The following ASAP2 variants were observed in gnomAD, a reference collection of about 807,000 sequenced individuals.
ASAP2 encodes the protein arf-GAP with SH3 domain, ANK repeat and PH domain-containing protein 2.
ASAP2 carries 45 observed loss-of-function variants against 131.4 expected under a neutral mutation model. That is an observed-to-expected ratio of 0.34 (90% CI 0.27 to 0.44). The LOEUF (loss-of-function observed/expected upper bound fraction) is 0.44. Among genes scored for constraint, ASAP2 ranks in the 20% least tolerant of loss-of-function variants. The pLI is 1.00. For synonymous variants in ASAP2, 510 were observed against 503.0 expected, an observed-to-expected ratio of 1.01 and a Z score of -0.19; for missense variants, 1,011 against 1,297.0, an observed-to-expected ratio of 0.78 and a Z score of 3.39.
chr2:9,375,254 G>A (rs2148717339), intron 17 of ASAP2, among the ~76,000 whole-genome samples: 1 of 151,898 alleles, frequency 6.6e-6, no homozygotes, highest in Non-Finnish European at 1.5e-5. Context: ...CTGGACTCCA[G>A]CCTGGCCGAC....
At position 9,388,476 on chromosome 2, in the gene ASAP2, A is replaced by G. The variant is rs752485307; in HGVS notation, c.2313A>G (p.Pro771=). Residue 771 remains proline (P), a synonymous_variant, in exon 22 of 28, where the codon CCA becomes CCG. Transcript: ENST00000281419. Reference sequence around the variant, plus strand: ...ACGGAGCCCTCCTGAGTGGCAGCCCACCTCCCGCCCAGCCTGCAGCCCCCA... The same window carrying G: ...ACGGAGCCCTCCTGAGTGGCAGCCCGCCTCCCGCCCAGCCTGCAGCCCCCA... ...ETYGALLSGS[P]PPAQPAAPST... is the part of the protein sequence containing the mutation. The G allele has an allele frequency of 1.2e-6, 2 of 1,612,502 alleles. No individual in the cohort carries two copies. Among genetic ancestry groups the G allele is most frequent in the East Asian group, 4.5e-5 (2 of 44,824 alleles).
At chr2:9,288,538 G>A (rs1443226518) in intron 2 of ASAP2, among the ~76,000 whole-genome samples, 2 of 151,978 alleles carry the variant, frequency 1.3e-5, no homozygotes, top group Admixed American at 6.6e-5. Context: ...GGTATGACGT[G>A]GCAAAAATGA....
chr2:9,289,903 T>C (rs1241179029), intron 2 of ASAP2, among the ~76,000 whole-genome samples: 1 of 152,130 alleles, frequency 6.6e-6, no homozygotes, highest in Non-Finnish European at 1.5e-5. Flanking sequence ...TCCAAGGGAC[T>C]TCCTAGGAAA....
At chr2:9,322,979 T>C (rs1670245952) in intron 5 of ASAP2, 142 bp from the exon 6 acceptor site, 1 of 951,784 alleles carries the variant, frequency 1.1e-6, no homozygotes, top group Admixed American at 2.5e-5. Flanking sequence ...CATTTTCCTT[T>C]TGAGGGAGTT....
At chr2:9,274,226 G>T (rs1666598322) in intron 1 of ASAP2, among the ~76,000 whole-genome samples, 1 of 151,736 alleles carries the variant, frequency 6.6e-6, no homozygotes, top group Non-Finnish European at 1.5e-5. Flanking sequence ...CAATTTGGAG[G>T]CCCTTTATTT....
chr2:9,248,795 G>C (rs999884150), intron 1 of ASAP2, among the ~76,000 whole-genome samples: 2 of 152,016 alleles, frequency 1.3e-5, no homozygotes, highest in African/African-American at 4.8e-5. Flanking sequence ...TTATGGCCAG[G>C]GACCCTGTCC....
At chr2:9,358,684 G>A in intron 14 of ASAP2, 72 bp from the exon 15 acceptor site, 1 of 1,539,372 alleles carries the variant, frequency 6.5e-7, no homozygotes, top group Non-Finnish European at 8.8e-7. Context: ...CAGTAACTAT[G>A]CAGGAAGAAA....
intron 1 of ASAP2, among the ~76,000 whole-genome samples, chr2:9,234,233 T>C (rs888894589): frequency 6.6e-6 from 1 of 152,158 alleles, no homozygotes; most frequent in Admixed American, 6.5e-5. Context: ...ATTTTTCTTC[T>C]TGACGCTATT....
intron 9 of ASAP2, among the ~76,000 whole-genome samples, chr2:9,341,106 C>G (rs978787744): frequency 1.3e-5 from 2 of 152,162 alleles, no homozygotes; most frequent in African/African-American, 4.8e-5. Context: ...CCGCCCTGGC[C>G]TCTCTTACTT....
intron 1 of ASAP2, among the ~76,000 whole-genome samples, chr2:9,252,825 A>G (rs1172509102): frequency 1.3e-5 from 2 of 151,306 alleles, no homozygotes; most frequent in Non-Finnish European, 2.9e-5. Flanking sequence ...CTGAGGCAGG[A>G]GAATGGCATG....
At chr2:9,300,259 A>G (rs1250851684) in intron 3 of ASAP2, among the ~76,000 whole-genome samples, 1 of 152,230 alleles carries the variant, frequency 6.6e-6, no homozygotes, top group African/African-American at 2.4e-5. Context: ...AGCAGCTAAT[A>G]TCTCTCTTGG....
At chr2:9,245,042 A>G (rs1452149367) in intron 1 of ASAP2, among the ~76,000 whole-genome samples, 1 of 152,204 alleles carries the variant, frequency 6.6e-6, no homozygotes, top group Admixed American at 6.5e-5. Context: ...ATGCAGGCCT[A>G]GGTTTGGTTG....
chr2:9,360,630 C>G (rs1673017868), intron 15 of ASAP2, among the ~76,000 whole-genome samples: 1 of 152,168 alleles, frequency 6.6e-6, no homozygotes, highest in South Asian at 2.1e-4. Flanking sequence ...CAATTTCAAG[C>G]TACCTAAGTG....
chr2:9,255,152 C>T (rs549902140), intron 1 of ASAP2, among the ~76,000 whole-genome samples: 22 of 152,276 alleles, frequency 1.4e-4, no homozygotes, highest in Non-Finnish European at 2.6e-4. Context: ...ATTTATATTT[C>T]CCTGGTAACT....
At chr2:9,367,378 A>G (rs1281995914) in intron 15 of ASAP2, among the ~76,000 whole-genome samples, 3 of 151,882 alleles carry the variant, frequency 2.0e-5, no homozygotes, top group East Asian at 3.9e-4. Context: ...AGCGTCACTG[A>G]CTCCCCAGCA....
chr2:9,386,737 G>A (rs1370730726), intron 21 of ASAP2, among the ~76,000 whole-genome samples: 4 of 152,230 alleles, frequency 2.6e-5, no homozygotes, highest in Non-Finnish European at 4.4e-5. Flanking sequence ...CACCTGCTAA[G>A]CACCTGGCAT....
intron 3 of ASAP2, among the ~76,000 whole-genome samples, chr2:9,314,918 A>C (rs1426346534): frequency 2.8e-5 from 1 of 36,350 alleles, no homozygotes; most frequent in Non-Finnish European, 5.2e-5. Flanking sequence ...GTGAGACTCC[A>C]TCTCAAAAAA....
In ASAP2 at chr2:9,254,236, AATATAT is replaced by A. The variant is rs34570938; in HGVS notation, c.127-25067_127-25062del. Among the ~76,000 whole-genome samples, 21 of 47,108 alleles carry A rather than the reference AATATAT, an allele frequency of 4.5e-4. 3 individuals are homozygous for A. The highest frequency in any genetic ancestry group is 2.4e-3 in the African/African-American group (17 of 7,234). The allele number at this position is 47,108 out of a possible 152,430, so 30.9% of individuals were successfully genotyped here. A position where few individuals can be genotyped will look rare whatever the true frequency, so the allele number is the denominator to read the frequency against. The stretch of plus-strand genomic sequence containing the variant: ...AAAAAAAAAAAAAAAAAAAAAAAAA[AATATAT>A]ATATATATATATACACGTGTGTGTG... On this transcript the variant is annotated intron_variant, in intron 1 of 27. Transcript: ENST00000281419.
In ASAP2 at chr2:9,405,419, A is replaced by G. The variant is rs922770142; in HGVS notation, c.*2092A>G. 3 of 152,658 alleles carry G rather than the reference A, an allele frequency of 2.0e-5. No individual in the cohort carries two copies. Among genetic ancestry groups the G allele is most frequent in the African/African-American group, 7.2e-5 (3 of 41,458 alleles). 9.5% of individuals were successfully genotyped at this position (152,658 alleles called of 1,614,324 possible). On this transcript the variant is annotated 3_prime_UTR_variant, in exon 28 of 28. Coordinates refer to ENST00000281419, the MANE Select transcript of ASAP2 (RefSeq NM_003887.3). ...TGGGATGATGGCTCAGAACATGTAC[A>G]CAGACTAAGAGTAACTGTGTGATCT...
Sources: gnomAD v4.1 joint callset for allele counts (sites outside exome capture counted in the v4.1 genomes callset) on GRCh38, gnomAD v4.1.1 for gene constraint, MANE v1.5 for transcripts, NCBI Gene and HGNC (gene_info 2026-07-23, HGNC 2026-07-21) for gene names.